EIF3A: variants seen among roughly 807,000 people sequenced by gnomAD.
EIF3A encodes EIF3, p180 subunit.
Under a neutral mutation model 186.6 loss-of-function variants are expected in EIF3A, and 21 were observed. The observed-to-expected ratio is 0.11, with a 90% CI of 0.08 to 0.16. The LOEUF is 0.16. Among genes scored for constraint, EIF3A ranks in the 10% least tolerant of loss-of-function variants. The pLI is 1.00. For synonymous variants in EIF3A, 563 were observed against 584.3 expected, an observed-to-expected ratio of 0.96 and a Z score of 0.52; for missense variants, 1,306 against 1,796.3, an observed-to-expected ratio of 0.73 and a Z score of 4.93.
Position 119,034,899 on chromosome 10 carries a change from T to C in EIF3A, c.*1140A>G, listed in dbSNP as rs2119816652. 1 of 152,576 alleles carries C rather than the reference T, an allele frequency of 6.6e-6. No individual in the cohort carries two copies. Among genetic ancestry groups the C allele is most frequent in the Non-Finnish European group, 1.5e-5 (1 of 68,032 alleles). The allele number at this position is 152,576 out of a possible 1,614,324, so 9.5% of individuals were successfully genotyped here. On this transcript the variant is annotated 3_prime_UTR_variant, in exon 22 of 22. Coordinates refer to ENST00000369144, the MANE Select transcript of EIF3A (RefSeq NM_003750.4). ...GACATCCTAGCCACATATGCTTTCT[T>C]TGTTATATTTAGGTTCATTTTCATT...
chr10:119,052,166 T>A (rs758469249), intron 14 of EIF3A, among the ~76,000 whole-genome samples: 1 of 152,246 alleles, frequency 6.6e-6, no homozygotes, highest in African/African-American at 2.4e-5. Context: ...TCTCAAACCC[T>A]GCTGCTGCTT....
In EIF3A at chr10:119,042,482, T is replaced by A. The variant is rs1270788974; in HGVS notation, c.3038A>T (p.Asp1013Val). The A allele has an allele frequency of 4.3e-6, 7 of 1,613,998 alleles. No homozygotes were observed. The highest frequency in any genetic ancestry group is 5.1e-6 in the Non-Finnish European group (6 of 1,180,042). The stretch of plus-strand genomic sequence containing the variant: ...TCCTCGTCTAGGTGGTCTGTCATCA[T>A]CCGCATGACGCCAGTTTCCCCTGTC... ...DEDRGNWRHADDDRPPRRGLD... is the reference protein window; with the variant it reads ...DEDRGNWRHAVDDRPPRRGLD... Residue 1013 changes from aspartate to valine, a missense_variant, in exon 19 of 22, where the codon GAT becomes GTT. Coordinates refer to ENST00000369144, the MANE Select transcript of EIF3A (RefSeq NM_003750.4). The surrounding 1 kb of genome is among the most constrained non-coding windows in gnomAD (Gnocchi z 7.8).
At chr10:119,076,362 A>G (rs1206902664) in intron 1 of EIF3A, among the ~76,000 whole-genome samples, 3 of 151,862 alleles carry the variant, frequency 2.0e-5, no homozygotes, top group Admixed American at 2.0e-4. Flanking sequence ...ATAAATCACA[A>G]AACATACTGA....
chr10:119,052,074 C>G (rs188230249), intron 14 of EIF3A, among the ~76,000 whole-genome samples: 1 of 152,130 alleles, frequency 6.6e-6, no homozygotes, highest in Non-Finnish European at 1.5e-5. Context: ...CTGATTGCAA[C>G]CTCTTACAAA....
intron 1 of EIF3A, among the ~76,000 whole-genome samples, chr10:119,075,680 A>T (rs1224600474): frequency 2.2e-5 from 3 of 139,472 alleles, no homozygotes; most frequent in Non-Finnish European, 4.6e-5. Context: ...CCTTTTTAAA[A>T]ATATCATTGT....
Position 119,060,805 on chromosome 10 carries a change from C to T in EIF3A, c.1267G>A (p.Glu423Lys). Residue 423 changes from glutamate to lysine, a missense_variant, in exon 9 of 22, where the codon GAA becomes AAA. Around this residue, in one of 8 missense-constraint regions of EIF3A, gnomAD observed 267 missense variants for 367.8 expected, o/e 0.73. Transcript: ENST00000369144. ...WVREQPEKEP[E>K]LQQYVPQLQN... The stretch of plus-strand genomic sequence containing the variant: ...AGTTGTGGCACATACTGCTGCAATT[C>T]CGGTTCCTTTTCAGGTTGTTCCCTA... The T allele has an allele frequency of 6.2e-7, 1 of 1,612,246 alleles. No individual in the cohort carries two copies. Among genetic ancestry groups the T allele is most frequent in the Non-Finnish European group, 8.5e-7 (1 of 1,179,258 alleles).
intron 4 of EIF3A, among the ~76,000 whole-genome samples, chr10:119,071,968 T>C (rs922348453): frequency 2.3e-5 from 3 of 132,858 alleles, no homozygotes; most frequent in Non-Finnish European, 4.6e-5. Flanking sequence ...GAGCTTGTAG[T>C]GAGCCGAGAT....
chr10:119,038,064 G>A, intron 20 of EIF3A, 174 bp downstream of exon 20: 1 of 590,230 alleles, frequency 1.7e-6, no homozygotes. Context: ...TTACAGGCAT[G>A]CGCCACCACG....
intron 9 of EIF3A, 59 bp from the exon 10 acceptor site, chr10:119,059,777 T>G (rs1843852901): frequency 9.4e-7 from 1 of 1,065,224 alleles, no homozygotes; most frequent in Non-Finnish European, 1.5e-6. Flanking sequence ...ACTTTTTATG[T>G]GCAATCTCAT....
chr10:119,040,065 G>A (rs1037683254), intron 19 of EIF3A, among the ~76,000 whole-genome samples: 32 of 152,164 alleles, frequency 2.1e-4, no homozygotes, highest in African/African-American at 6.8e-4. Flanking sequence ...GGTAACAGCC[G>A]AACAGCAGAA....
At chr10:119,076,817 T>G (rs1274817863) in intron 1 of EIF3A, among the ~76,000 whole-genome samples, 1 of 150,346 alleles carries the variant, frequency 6.7e-6, no homozygotes, top group Non-Finnish European at 1.5e-5. Flanking sequence ...ATGCCTGTAA[T>G]CCCAAATACT....
intron 6 of EIF3A, among the ~76,000 whole-genome samples, chr10:119,069,079 ATG>A (rs1844031251): frequency 6.6e-6 from 1 of 152,186 alleles, no homozygotes; most frequent in Admixed American, 6.5e-5. Flanking sequence ...CATCCGTTAA[ATG>A]TGTTTTTCCT....
intron 6 of EIF3A, 76 bp downstream of exon 6, chr10:119,069,370 C>G: frequency 1.3e-6 from 1 of 774,230 alleles, no homozygotes; most frequent in Non-Finnish European, 2.2e-6. Flanking sequence ...GAAACCATGG[C>G]CTAAAATATA....
chr10:119,045,054 T>G (rs553404646), intron 17 of EIF3A, among the ~76,000 whole-genome samples: 5 of 151,630 alleles, frequency 3.3e-5, no homozygotes, highest in Non-Finnish European at 7.4e-5. Context: ...AAGCTATTCT[T>G]GAGCCTTAGC....
chr10:119,080,231 T>C, intron 1 of EIF3A: 1 of 824,730 alleles, frequency 1.2e-6, no homozygotes, highest in African/African-American at 1.9e-5. Flanking sequence ...TGTTTCTTAC[T>C]CCCCGGCACT....
chr10:119,071,887 T>C (rs902527913), intron 4 of EIF3A, among the ~76,000 whole-genome samples: 1 of 151,414 alleles, frequency 6.6e-6, no homozygotes, highest in Admixed American at 6.6e-5. Flanking sequence ...TAGCCGAGCA[T>C]GGCAGCGTGC....
At chr10:119,040,469 A>G (rs1848192887) in intron 19 of EIF3A, among the ~76,000 whole-genome samples, 1 of 152,206 alleles carries the variant, frequency 6.6e-6, no homozygotes, top group African/African-American at 2.4e-5. Flanking sequence ...TGTGATGGTA[A>G]TGAGTCCAGT....
chr10:119,065,933 G>T (rs185263003), intron 6 of EIF3A, among the ~76,000 whole-genome samples: 1 of 151,468 alleles, frequency 6.6e-6, no homozygotes, highest in Non-Finnish European at 1.5e-5. Context: ...TGGCTAACAC[G>T]GTGAAACCCC....
At chr10:119,056,101 C>T (rs980590157) in intron 14 of EIF3A, among the ~76,000 whole-genome samples, 5 of 152,170 alleles carry the variant, frequency 3.3e-5, no homozygotes, top group Non-Finnish European at 7.4e-5. Flanking sequence ...TTGCCTCCTG[C>T]TTATGGTTAC....
Sources: gnomAD v4.1 joint callset for allele counts (sites outside exome capture counted in the v4.1 genomes callset) on GRCh38, gnomAD v4.1.1 for gene constraint, gnomAD v4.1.1 regional missense constraint, Gnocchi (gnomAD v3.1) non-coding constraint, MANE v1.5 for transcripts, NCBI Gene and HGNC (gene_info 2026-07-23, HGNC 2026-07-21) for gene names.